SLC12A1: variants seen among roughly 807,000 people sequenced by gnomAD.
SLC12A1 encodes Na-K-2Cl cotransporter.
Under a neutral mutation model 130.4 loss-of-function variants are expected in SLC12A1, and 89 were observed. The observed-to-expected ratio is 0.68, with a 90% CI of 0.58 to 0.81. SLC12A1 has a LOEUF of 0.81. SLC12A1 is among the 40% of genes least tolerant of loss of function. The probability of loss-of-function intolerance (pLI) is 0.00; values close to 1 mark genes in which losing one functional copy is unlikely to be tolerated. For missense variants in SLC12A1, 1,310 were observed against 1,336.4 expected, an observed-to-expected ratio of 0.98 and a Z score of 0.31; for synonymous variants, 499 against 460.0, an observed-to-expected ratio of 1.08 and a Z score of -1.09.
At chr15:48,257,240 C>T (rs1024126608) in intron 16 of SLC12A1, among the ~76,000 whole-genome samples, 1 of 152,110 alleles carries the variant, frequency 6.6e-6, no homozygotes, top group East Asian at 1.9e-4. Context: ...AGGGTACAGC[C>T]TCCCTCCTGG....
intron 2 of SLC12A1, among the ~76,000 whole-genome samples, chr15:48,212,956 G>A (rs1193457773): frequency 1.3e-5 from 2 of 152,168 alleles, no homozygotes; most frequent in East Asian, 3.8e-4. Flanking sequence ...TTATGTTTCA[G>A]ACACTGTGCT....
chr15:48,253,155 AG>A (rs2041667193), intron 15 of SLC12A1, among the ~76,000 whole-genome samples: 1 of 152,162 alleles, frequency 6.6e-6, no homozygotes, highest in Non-Finnish European at 1.5e-5. Flanking sequence ...ACTACCTTGG[AG>A]GGGTCTGTTT....
At chr15:48,278,465 A>C (rs1248200663) in intron 20 of SLC12A1, among the ~76,000 whole-genome samples, 1 of 152,164 alleles carries the variant, frequency 6.6e-6, no homozygotes, top group African/African-American at 2.4e-5. Context: ...TTTATCTTTG[A>C]AAAAGAGGAG....
intron 2 of SLC12A1, among the ~76,000 whole-genome samples, chr15:48,209,144 C>A (rs1188902419): frequency 6.6e-6 from 1 of 152,200 alleles, no homozygotes; most frequent in Non-Finnish European, 1.5e-5. Context: ...TCACCGCAAC[C>A]TCCACCTCCT....
intron 20 of SLC12A1, among the ~76,000 whole-genome samples, chr15:48,284,581 G>T (rs1160971184): frequency 6.6e-6 from 1 of 152,174 alleles, no homozygotes; most frequent in Non-Finnish European, 1.5e-5. Flanking sequence ...AACACATAGA[G>T]CTGTTTTTCT....
In SLC12A1 at chr15:48,288,076, T is replaced by C. The variant is rs769513119; in HGVS notation, c.2663T>C (p.Val888Ala). 3 of 1,611,076 alleles carry C rather than the reference T, an allele frequency of 1.9e-6. No individual in the cohort carries two copies. In the Admixed American group the frequency reaches 5.0e-5, roughly 27 times the overall value. Residue 888 changes from valine (V) to alanine (A), a missense_variant, in exon 22 of 27, where the codon GTG becomes GCG. Physicochemically the swap from Val to Ala is moderately conservative, Grantham distance 64. Transcript: ENST00000380993. ...ATTAACACAAGCCAGTCGATGCATGTGGGAGAGTTCAACCAGAAACTGGTG... is the reference window on the plus strand; with the variant it reads ...ATTAACACAAGCCAGTCGATGCATGCGGGAGAGTTCAACCAGAAACTGGTG... ...GSINTSQSMH[V>A]GEFNQKLVEA...
chr15:48,212,133 G>A (rs1413544946), intron 2 of SLC12A1, among the ~76,000 whole-genome samples: 1 of 151,986 alleles, frequency 6.6e-6, no homozygotes, highest in Non-Finnish European at 1.5e-5. Context: ...ATAAATGATC[G>A]ATGATGATAG....
intron 25 of SLC12A1, among the ~76,000 whole-genome samples, chr15:48,300,861 T>C (rs914329236): frequency 4.6e-5 from 7 of 152,240 alleles, no homozygotes; most frequent in African/African-American, 1.7e-4. Context: ...TAATTTATGT[T>C]CTTAGAGTAT....
At chr15:48,285,353 T>C (rs971249461) in intron 21 of SLC12A1, 104 bp downstream of exon 21, 5 of 1,107,936 alleles carry the variant, frequency 4.5e-6, no homozygotes, top group African/African-American at 1.6e-5. Context: ...GAGCATTGAG[T>C]GTGGGTAGGA....
intron 25 of SLC12A1, among the ~76,000 whole-genome samples, chr15:48,300,559 C>T (rs898357818): frequency 6.6e-6 from 1 of 151,974 alleles, no homozygotes; most frequent in Non-Finnish European, 1.5e-5. Flanking sequence ...TGAAAAAATT[C>T]GAGCAAGAAA....
At chr15:48,295,693 T>C (rs1244206677) in intron 24 of SLC12A1, among the ~76,000 whole-genome samples, 2 of 151,728 alleles carry the variant, frequency 1.3e-5, no homozygotes, top group East Asian at 3.9e-4. Flanking sequence ...TTAAGGAAAA[T>C]GCAGGGAAAA....
chr15:48,260,348 T>TCTCA (rs1555384467), intron 17 of SLC12A1, among the ~76,000 whole-genome samples: 99 of 144,440 alleles, frequency 6.9e-4, no homozygotes, highest in African/African-American at 2.2e-3. Flanking sequence ...TCTCTCTCTA[T>TCTCA]CACACACACA....
chr15:48,289,116 G>A (rs1021197165), intron 23 of SLC12A1, among the ~76,000 whole-genome samples: 1 of 151,470 alleles, frequency 6.6e-6, no homozygotes. Flanking sequence ...AAATCCCACA[G>A]TGTAAGTCTG....
chr15:48,257,568 C>A (rs998639972), intron 16 of SLC12A1, among the ~76,000 whole-genome samples: 1 of 152,172 alleles, frequency 6.6e-6, no homozygotes, highest in Non-Finnish European at 1.5e-5. Flanking sequence ...ACCCACAGGA[C>A]CAACACCACA....
chr15:48,301,505 G>GGGGGC (rs1566862551), intron 26 of SLC12A1, 123 bp downstream of exon 26: 3 of 553,314 alleles, frequency 5.4e-6, no homozygotes, highest in African/African-American at 2.1e-5. Flanking sequence ...TTTTTTTTGG[G>GGGGGC]GGGGGGAACA....
intron 16 of SLC12A1, 27 bp downstream of exon 16, chr15:48,255,937 G>C (rs2041702770): frequency 7.0e-7 from 1 of 1,424,082 alleles, no homozygotes; most frequent in African/African-American, 1.4e-5. Flanking sequence ...AGGCATCCTG[G>C]TGTTTTTCCA....
intron 20 of SLC12A1, among the ~76,000 whole-genome samples, chr15:48,276,134 A>T (rs2041950985): frequency 6.6e-6 from 1 of 151,482 alleles, no homozygotes; most frequent in Non-Finnish European, 1.5e-5. Context: ...GTAAAGAAAA[A>T]CTCCCTGGCT....
At chr15:48,236,829 T>A (rs2041445665) in intron 9 of SLC12A1, among the ~76,000 whole-genome samples, 1 of 152,118 alleles carries the variant, frequency 6.6e-6, no homozygotes, top group Non-Finnish European at 1.5e-5. Context: ...TCTGGAAGAG[T>A]ATCAGAGGTC....
chr15:48,272,126 A>G (rs141094599), intron 19 of SLC12A1, among the ~76,000 whole-genome samples: 252 of 152,326 alleles, frequency 1.7e-3, no homozygotes, highest in Middle Eastern at 0.01. Flanking sequence ...TGACAAATTA[A>G]TAATAGATCT....
Sources: allele counts gnomAD v4.1 joint callset (sites outside exome capture counted in the v4.1 genomes callset), GRCh38; gene constraint gnomAD v4.1.1; transcripts MANE v1.5; gene names NCBI Gene and HGNC (gene_info 2026-07-23, HGNC 2026-07-21).